KIF15: variants seen among roughly 807,000 people sequenced by gnomAD.
The protein encoded by KIF15 is kinesin family member 15.
KIF15 carries 140 observed loss-of-function variants against 190.6 expected under a neutral mutation model. The ratio of observed to expected loss-of-function variants is 0.73; its 90% confidence interval spans 0.64 to 0.84. The LOEUF is 0.84. Among genes scored for constraint, KIF15 ranks in the 40% least tolerant of loss-of-function variants. The pLI, the probability that KIF15 is intolerant of heterozygous loss-of-function variation, is 0.00. For synonymous variants in KIF15, 528 were observed against 551.3 expected, an observed-to-expected ratio of 0.96 and a Z score of 0.59; for missense variants, 1,372 against 1,584.4, an observed-to-expected ratio of 0.87 and a Z score of 2.28.
chr3:44,854,607 G>T (rs1364034972), downstream of KIF15, among the ~76,000 whole-genome samples: 2 of 152,298 alleles, frequency 1.3e-5, no homozygotes, highest in East Asian at 3.9e-4. Context: ...GAAGAGGCTT[G>T]GTTCTGATCA....
intron 4 of KIF15, 52 bp from the exon 5 acceptor site, chr3:44,780,833 A>G: frequency 8.5e-7 from 1 of 1,173,804 alleles, no homozygotes; most frequent in Non-Finnish European, 1.2e-6. Context: ...TAATAGGAGG[A>G]GTAGTCTTTT....
At chr3:44,809,939 T>TG (rs1279670379) in intron 16 of KIF15, among the ~76,000 whole-genome samples, 1 of 152,090 alleles carries the variant, frequency 6.6e-6, no homozygotes, top group African/African-American at 2.4e-5. Flanking sequence ...TGGTGGTGTG[T>TG]GCCTGTAGTC....
At chr3:44,868,496 G>A (rs1314332395) in intron 6 of KIF15, among the ~76,000 whole-genome samples, 1 of 152,158 alleles carries the variant, frequency 6.6e-6, no homozygotes, top group African/African-American at 2.4e-5. Context: ...CCTAGGAATG[G>A]AATTGCTGAT....
chr3:44,853,884 C>A (rs945936925), downstream of KIF15, among the ~76,000 whole-genome samples: 5 of 152,110 alleles, frequency 3.3e-5, no homozygotes, highest in Admixed American at 6.5e-5. Context: ...AAAAGAAAAA[C>A]CAAACCCAAA....
intron 6 of KIF15, chr3:44,861,799 G>A (rs1699250832): frequency 1.8e-6 from 2 of 1,134,782 alleles, no homozygotes; most frequent in Admixed American, 2.5e-5. Context: ...GCCGGAGAGC[G>A]ATTCCCAAGG....
At chr3:44,863,752 A>C (rs1486108800) in intron 6 of KIF15, 1 of 172,734 alleles carries the variant, frequency 5.8e-6, no homozygotes, top group Non-Finnish European at 1.3e-5. Context: ...TGGGGGTGGG[A>C]ATACAGAGCA....
rs527915589 is a variant in KIF15 at position 44,830,107 on chromosome 3, T to A, written c.3048+32T>A. 5.8e-6 allele frequency: 7 copies of A among 1,214,712 alleles called. No individual in the cohort carries two copies. In the Admixed American group the frequency reaches 7.0e-5, roughly 12 times the overall value. 75.2% of individuals were successfully genotyped at this position (1,214,712 alleles called of 1,614,324 possible). ...TCGGTCACCAACAAGATGTTAAATT[T>A]GAGCATGGGACACTTCACAGACTTT... On this transcript the variant is annotated intron_variant, in intron 25 of 34. Transcript: ENST00000326047.
intron 20 of KIF15, 110 bp from the exon 21 acceptor site, chr3:44,825,929 T>C: frequency 4.3e-6 from 4 of 939,720 alleles, no homozygotes; most frequent in Non-Finnish European, 6.3e-6. Flanking sequence ...TCGAGGCTTA[T>C]GTGAGTTGGG....
At chr3:44,850,749 A>G (rs1018486783) in intron 32 of KIF15, among the ~76,000 whole-genome samples, 2 of 152,226 alleles carry the variant, frequency 1.3e-5, no homozygotes, top group South Asian at 4.1e-4. Flanking sequence ...ATGTAGTCCA[A>G]AAACAACTTG....
At chr3:44,835,396 C>T (rs1049933958) in intron 26 of KIF15, among the ~76,000 whole-genome samples, 20 of 151,952 alleles carry the variant, frequency 1.3e-4, no homozygotes, top group Admixed American at 1.1e-3. Flanking sequence ...TGCAGCACCA[C>T]GCCTGGCTAA....
chr3:44,771,034 C>T (rs542547542), intron 1 of KIF15, among the ~76,000 whole-genome samples: 1 of 152,268 alleles, frequency 6.6e-6, no homozygotes, highest in African/African-American at 2.4e-5. Flanking sequence ...TCTCAATCTC[C>T]AAAGTTATCA....
intron 23 of KIF15, 99 bp from the exon 24 acceptor site, chr3:44,828,115 C>CAT: frequency 1.3e-6 from 1 of 788,210 alleles, no homozygotes; most frequent in Non-Finnish European, 2.1e-6. Context: ...CTAGCATAGA[C>CAT]TCTATAATAT....
chr3:44,780,810 T>A lies in KIF15; in HGVS notation c.324-75T>A, dbSNP rs532854661. On this transcript the variant is annotated intron_variant, in intron 4 of 34. Coordinates refer to ENST00000326047, the MANE Select transcript of KIF15 (RefSeq NM_020242.3). ...GCTAACTTTTTGTGGAGAAAACTTATACACTAGTATTATAATAGGAGGAGT... is the reference window on the plus strand; with the variant it reads ...GCTAACTTTTTGTGGAGAAAACTTAAACACTAGTATTATAATAGGAGGAGT... 1,064 of 936,126 alleles carry A rather than the reference T, an allele frequency of 1.1e-3. 2 individuals carry two copies. The highest frequency in any genetic ancestry group is 1.6e-3 in the Non-Finnish European group (984 of 611,110). 58.0% of individuals were successfully genotyped at this position (936,126 alleles called of 1,614,324 possible).
intron 27 of KIF15, among the ~76,000 whole-genome samples, chr3:44,839,198 G>A (rs1367411563): frequency 1.3e-5 from 2 of 151,712 alleles, no homozygotes. Context: ...GTGAACCCCC[G>A]TCTCTACTGA....
At chr3:44,808,741 C>G (rs1027111366) in intron 16 of KIF15, among the ~76,000 whole-genome samples, 2 of 152,046 alleles carry the variant, frequency 1.3e-5, no homozygotes, top group African/African-American at 2.4e-5. Context: ...GAATATGAGC[C>G]TCATACCAGT....
chr3:44,798,501 C>T (rs540826470), intron 10 of KIF15, among the ~76,000 whole-genome samples: 5 of 151,950 alleles, frequency 3.3e-5, no homozygotes, highest in South Asian at 2.1e-4. Flanking sequence ...TTAGTAGAGA[C>T]GGGATTTCAC....
At chr3:44,838,207 T>C in intron 26 of KIF15, 68 bp from the exon 27 acceptor site, 1 of 1,484,416 alleles carries the variant, frequency 6.7e-7, no homozygotes, top group Admixed American at 2.2e-5. Flanking sequence ...AAGTTGTACA[T>C]AGTAATGATT....
At chr3:44,813,694 TCGG>T (rs1707905702) in intron 19 of KIF15, among the ~76,000 whole-genome samples, 1 of 149,576 alleles carries the variant, frequency 6.7e-6, no homozygotes, top group African/African-American at 2.5e-5. Context: ...TGGCGGGATC[TCGG>T]CGGCTCACTG....
intron 17 of KIF15, among the ~76,000 whole-genome samples, 193 bp from the exon 18 acceptor site, chr3:44,811,989 C>T (rs1707805678): frequency 6.6e-6 from 1 of 152,190 alleles, no homozygotes; most frequent in African/African-American, 2.4e-5. Context: ...AAATCTGAAA[C>T]ATTAGCAATC....
Sources: gnomAD v4.1 joint callset for allele counts (sites outside exome capture counted in the v4.1 genomes callset) on GRCh38, gnomAD v4.1.1 for gene constraint, MANE v1.5 for transcripts, NCBI Gene and HGNC (gene_info 2026-07-23, HGNC 2026-07-21) for gene names.